FAF1: variants seen among roughly 807,000 people sequenced by gnomAD.
FAF1 encodes Fas associated factor 1.
Under a neutral mutation model 92.5 loss-of-function variants are expected in FAF1, and 25 were observed. That is an observed-to-expected ratio of 0.27 (90% CI 0.20 to 0.38). FAF1 has a LOEUF of 0.38. Ranked by LOEUF, FAF1 falls within the 10% of genes least tolerant of loss-of-function variation. FAF1 has a pLI of 1.00. For missense variants in FAF1, 636 were observed against 793.3 expected (o/e 0.80, Z 2.38); for synonymous variants, 234 against 273.2 (o/e 0.86, Z 1.42).
chr1:50,518,038 A>T, intron 15 of FAF1, among the ~76,000 whole-genome samples: 1 of 152,224 alleles, frequency 6.6e-6, no homozygotes, highest in Non-Finnish European at 1.5e-5. Context: ...GTATGTATAG[A>T]TTCATGTAAC....
At position 50,573,729 on chromosome 1, in the gene FAF1, G is replaced by T. The variant is rs188211057; in HGVS notation, c.1114-6498C>A. ...TTTTCCCCTCACTTTCTGAGCAGAT[G>T]TTGGGATAGCATTCTGAAATCTTGA... On this transcript the variant is annotated intron_variant, in intron 12 of 18. Transcript: ENST00000396153. 2.1e-3 allele frequency among the ~76,000 whole-genome samples: 312 copies of T among 151,574 alleles called. 3 individuals carry two copies. Among genetic ancestry groups the T allele is most frequent in the African/African-American group, 7.5e-3 (309 of 41,294 alleles).
chr1:50,561,756 G>A (rs776015401), intron 13 of FAF1, among the ~76,000 whole-genome samples: 3 of 152,120 alleles, frequency 2.0e-5, no homozygotes, highest in Non-Finnish European at 4.4e-5. Flanking sequence ...AACCTGGGAG[G>A]TGGAGGTTGC....
At chr1:50,899,177 T>A (rs1290611583) in intron 1 of FAF1, among the ~76,000 whole-genome samples, 2 of 152,226 alleles carry the variant, frequency 1.3e-5, no homozygotes, top group African/African-American at 4.8e-5. Context: ...ATTGCATTTT[T>A]CATCTAAGAC....
At chr1:50,907,051 C>T (rs1234036322) in intron 1 of FAF1, among the ~76,000 whole-genome samples, 6 of 152,086 alleles carry the variant, frequency 3.9e-5, no homozygotes, top group African/African-American at 1.4e-4. Flanking sequence ...TGAGATACGT[C>T]CCATCAACAC....
At chr1:50,543,360 A>T (rs1648847812) in intron 13 of FAF1, among the ~76,000 whole-genome samples, 1 of 152,162 alleles carries the variant, frequency 6.6e-6, no homozygotes, top group Non-Finnish European at 1.5e-5. Flanking sequence ...CTGTAAAAGG[A>T]AGAATATTTG....
chr1:50,861,186 C>G (rs1480536627), intron 1 of FAF1, among the ~76,000 whole-genome samples: 1 of 151,796 alleles, frequency 6.6e-6, no homozygotes, highest in Non-Finnish European at 1.5e-5. Context: ...TAATAAACTT[C>G]TATCTGTACT....
chr1:50,595,197 G>A (rs1330791737), intron 9 of FAF1, among the ~76,000 whole-genome samples: 1 of 151,974 alleles, frequency 6.6e-6, no homozygotes, highest in Admixed American at 6.6e-5. Flanking sequence ...TGGGATTAAA[G>A]GAATGCGCCA....
chr1:50,475,514 C>T lies in FAF1; in HGVS notation c.1819G>A (p.Gly607Arg). 1 of 1,614,120 alleles carries T rather than the reference C, an allele frequency of 6.2e-7. No individual in the cohort carries two copies. Among genetic ancestry groups the T allele is most frequent in the Non-Finnish European group, 8.5e-7 (1 of 1,179,982 alleles). ...QIVFDFVASK[G>R]FPWDEYKLLS... Reference sequence around the variant, plus strand: ...AACTTGTACTCATCCCATGGAAATCCTTTGGAAGCTACAAAATCAAAGACA... The same window carrying T: ...AACTTGTACTCATCCCATGGAAATCTTTTGGAAGCTACAAAATCAAAGACA... The change falls in exon 18 of 19, where the codon GGA becomes AGA. Residue 607 changes from glycine (G) to arginine (R), a missense_variant. By Grantham distance (125) the Gly-to-Arg change is moderately radical. Transcript: ENST00000396153.
intron 7 of FAF1, among the ~76,000 whole-genome samples, chr1:50,680,266 C>A (rs1474328071): frequency 6.6e-6 from 1 of 152,112 alleles, no homozygotes; most frequent in Non-Finnish European, 1.5e-5. Context: ...TTGTTCCCTG[C>A]TATACCTTAA....
At chr1:50,500,345 A>G (rs1390532549) in intron 15 of FAF1, among the ~76,000 whole-genome samples, 1 of 152,226 alleles carries the variant, frequency 6.6e-6, no homozygotes, top group Non-Finnish European at 1.5e-5. Flanking sequence ...TAAAGTCCAG[A>G]TATAGACCTA....
intron 2 of FAF1, among the ~76,000 whole-genome samples, chr1:50,846,226 A>G (rs1644297654): frequency 6.6e-6 from 1 of 152,120 alleles, no homozygotes; most frequent in African/African-American, 2.4e-5. Flanking sequence ...ACAGCTTTCA[A>G]TAAAAATTAC....
intron 8 of FAF1, chr1:50,612,367 A>C: frequency 8.0e-7 from 1 of 1,247,144 alleles, no homozygotes; most frequent in Non-Finnish European, 1.0e-6. Flanking sequence ...AAGTTTGATA[A>C]ATAAAGAGGT....
At chr1:50,575,109 C>G (rs1304837161) in intron 12 of FAF1, among the ~76,000 whole-genome samples, 1 of 151,914 alleles carries the variant, frequency 6.6e-6, no homozygotes. Context: ...GGGGTTTCAC[C>G]GTGTTAGCCA....
intron 9 of FAF1, among the ~76,000 whole-genome samples, chr1:50,589,306 G>C (rs1194088922): frequency 6.6e-6 from 1 of 152,082 alleles, no homozygotes; most frequent in African/African-American, 2.4e-5. Flanking sequence ...CTCTGGGGAG[G>C]AGGGATTTCA....
chr1:50,819,389 G>T (rs146570464), intron 2 of FAF1, among the ~76,000 whole-genome samples: 40 of 151,262 alleles, frequency 2.6e-4, no homozygotes, highest in African/African-American at 8.3e-4. Context: ...TTGAGGAAGG[G>T]AGATCGAGTG....
In FAF1 at chr1:50,490,508, A is replaced by T. The variant is rs1178335875; in HGVS notation, c.1653+80T>A. Reference sequence around the variant, plus strand: ...AAGGAAGGAAAGGAAGGAAGGAAGGAAGGAAGGAAGGTAGGTTAACAGCTT... The same window carrying T: ...AAGGAAGGAAAGGAAGGAAGGAAGGTAGGAAGGAAGGTAGGTTAACAGCTT... On this transcript the variant is annotated intron_variant, in intron 17 of 18. Transcript: ENST00000396153. 6.9e-6 allele frequency: 5 copies of T among 724,132 alleles called. No individual in the cohort carries two copies. The African/African-American group carries it at 9.1e-5, about 13-fold the overall frequency. The allele number at this position is 724,132 out of a possible 1,614,324, so 44.9% of individuals were successfully genotyped here.
chr1:50,539,662 C>T lies in FAF1; in HGVS notation c.1335G>A (p.Thr445=), dbSNP rs376478110. The T allele has an allele frequency of 2.4e-5, 38 of 1,612,054 alleles. No individual in the cohort carries two copies. Among genetic ancestry groups the T allele is most frequent in the Admixed American group, 1.7e-4 (10 of 59,938 alleles). Residue 445 remains threonine (T), a synonymous_variant, in exon 14 of 19, where the codon ACG becomes ACA. Coordinates refer to ENST00000396153, the MANE Select transcript of FAF1 (RefSeq NM_007051.3). The part of the protein sequence containing the change: ...VVAQTIRTQK[T]DQFPLFLIIM... ...TAATCAGGAAAAGCGGAAACTGATCCGTTTTTTGAGTCCGAATGGTTTGTG... is the reference window on the plus strand; with the variant it reads ...TAATCAGGAAAAGCGGAAACTGATCTGTTTTTTGAGTCCGAATGGTTTGTG...
chr1:50,940,657 T>A (rs1471772185), intron 1 of FAF1, among the ~76,000 whole-genome samples: 1 of 152,262 alleles, frequency 6.6e-6, no homozygotes, highest in Non-Finnish European at 1.5e-5. Flanking sequence ...TTACTTTGCA[T>A]TGATATAGAT....
At chr1:50,803,064 C>G (rs1662060004) in intron 2 of FAF1, among the ~76,000 whole-genome samples, 1 of 152,210 alleles carries the variant, frequency 6.6e-6, no homozygotes, top group African/African-American at 2.4e-5. Flanking sequence ...CCTGACGACT[C>G]TGGAGGCTTG....
Sources: gnomAD v4.1 joint callset for allele counts (sites outside exome capture counted in the v4.1 genomes callset) on GRCh38, gnomAD v4.1.1 for gene constraint, MANE v1.5 for transcripts, NCBI Gene and HGNC (gene_info 2026-07-23, HGNC 2026-07-21) for gene names.